PSD3: variants seen among roughly 807,000 people sequenced by gnomAD.
PSD3 encodes the protein pleckstrin and Sec7 domain containing 3.
A neutral mutation model predicts 105.5 loss-of-function variants in PSD3; 49 were observed. That is an observed-to-expected ratio of 0.46 (90% confidence interval 0.37 to 0.59). PSD3 has a LOEUF of 0.59. Ranked by LOEUF, PSD3 falls within the 20% of genes least tolerant of loss-of-function variation. PSD3 has a pLI of 0.00. For missense variants in PSD3, 1,561 were observed against 1,263.8 expected (o/e 1.24, Z -3.57); for synonymous variants, 557 against 457.8 (o/e 1.22, Z -2.77).
chr8:18,624,983 G>A (rs572697814), intron 11 of PSD3, among the ~76,000 whole-genome samples: 1 of 152,088 alleles, frequency 6.6e-6, no homozygotes, highest in African/African-American at 2.4e-5. Context: ...TGATCCTCCT[G>A]TCTTGGATTC....
intron 9 of PSD3, among the ~76,000 whole-genome samples, chr8:18,671,869 T>C (rs764422292): frequency 6.6e-6 from 1 of 152,082 alleles, no homozygotes; most frequent in Non-Finnish European, 1.5e-5. Flanking sequence ...CTGACCTTGT[T>C]ATCCGCCCGC....
chr8:18,679,895 G>T (rs1266888046), intron 9 of PSD3, among the ~76,000 whole-genome samples: 3 of 152,104 alleles, frequency 2.0e-5, no homozygotes, highest in Non-Finnish European at 4.4e-5. Context: ...ATTAACTAGA[G>T]AATTCTTGAT....
intron 10 of PSD3, among the ~76,000 whole-genome samples, chr8:18,646,255 A>T (rs1427795746): frequency 6.6e-6 from 1 of 152,166 alleles, no homozygotes; most frequent in Non-Finnish European, 1.5e-5. Flanking sequence ...CATCCCAAAT[A>T]ACTTTTTCGA....
intron 12 of PSD3, among the ~76,000 whole-genome samples, chr8:18,585,065 G>A (rs749437358): frequency 4.6e-5 from 7 of 152,122 alleles, no homozygotes; most frequent in Non-Finnish European, 7.3e-5. Flanking sequence ...ATGCCACATC[G>A]CTAGCTCCAG....
At chr8:18,670,597 T>G (rs1308677599) in intron 9 of PSD3, among the ~76,000 whole-genome samples, 1 of 152,026 alleles carries the variant, frequency 6.6e-6, no homozygotes, top group Non-Finnish European at 1.5e-5. Context: ...TTCACATACC[T>G]CAAGCACAAA....
At chr8:18,609,256 G>A (rs1805081279) in intron 11 of PSD3, among the ~76,000 whole-genome samples, 1 of 152,178 alleles carries the variant, frequency 6.6e-6, no homozygotes, top group South Asian at 2.1e-4. Flanking sequence ...GCCTCACCAA[G>A]AGTCTTGGCG....
chr8:19,074,372 G>C (rs4921987), intron 1 of PSD3, among the ~76,000 whole-genome samples: 63,649 of 151,606 alleles, frequency 0.42, 13,939 homozygotes, highest in East Asian at 0.72. Context: ...GGTCCGGGGG[G>C]TGCCACAACT....
intron 1 of PSD3, among the ~76,000 whole-genome samples, chr8:18,938,493 T>C (rs960540028): frequency 1.3e-5 from 2 of 152,030 alleles, no homozygotes; most frequent in Admixed American, 6.6e-5. Flanking sequence ...CGTGGAGCCA[T>C]GCACCTGTGA....
At chr8:18,783,089 G>A in intron 8 of PSD3, among the ~76,000 whole-genome samples, 1 of 152,156 alleles carries the variant, frequency 6.6e-6, no homozygotes, top group East Asian at 1.9e-4. Context: ...TTCTTTAAAT[G>A]TCGATGCAAT....
intron 4 of PSD3, among the ~76,000 whole-genome samples, chr8:18,836,905 A>AG (rs11396325): frequency 6.6e-6 from 1 of 151,466 alleles, no homozygotes; most frequent in African/African-American, 2.4e-5. Flanking sequence ...CACAGATACC[A>AG]GGGCTGACTG....
At chr8:18,855,781 G>A (rs1330632900) in intron 4 of PSD3, among the ~76,000 whole-genome samples, 1 of 152,224 alleles carries the variant, frequency 6.6e-6, no homozygotes, top group African/African-American at 2.4e-5. Flanking sequence ...ACTACGTAGG[G>A]AAGGAAAGAG....
intron 6 of PSD3, among the ~76,000 whole-genome samples, chr8:18,802,899 T>A (rs1174212455): frequency 6.6e-6 from 1 of 152,206 alleles, no homozygotes; most frequent in Non-Finnish European, 1.5e-5. Flanking sequence ...AAAAAGTGGA[T>A]ATTGTTGCAA....
intron 4 of PSD3, among the ~76,000 whole-genome samples, chr8:18,806,512 A>G (rs1386689): frequency 0.89 from 135,137 of 152,250 alleles, 60,134 homozygotes; most frequent in Non-Finnish European, 0.91. Flanking sequence ...ACATGCTCAT[A>G]ATAAAATGTG....
At chr8:18,795,038 T>C (rs148751900) in intron 8 of PSD3, among the ~76,000 whole-genome samples, 1,549 of 152,340 alleles carry the variant, frequency 0.01, 25 homozygotes, top group African/African-American at 0.034. Context: ...ATTAAGTTTA[T>C]AGATTAGAAA....
At position 18,572,544 on chromosome 8, in the gene PSD3, G is replaced by A; in HGVS notation, c.2768C>T (p.Thr923Ile). 2.5e-6 allele frequency: 4 copies of A among 1,613,886 alleles called. No individual in the cohort carries two copies. Among genetic ancestry groups the A allele is most frequent in the East Asian group, 2.2e-5 (1 of 44,886 alleles). The change falls in exon 14 of 16, where the codon ACA becomes ATA. Residue 923 changes from threonine to isoleucine, a missense_variant. Thr to Ile is a moderately conservative substitution (Grantham distance 89, BLOSUM62 -1). Transcript: ENST00000327040. ...KFSRPLLPATTTKLSQEEQLK... is the reference protein window; with the variant it reads ...KFSRPLLPATITKLSQEEQLK... ...GATGATTACCTGAGACAGTTTTGTT[G>A]TAGTGGCAGGCAGAAGTGGGCGGCT... is the stretch of plus-strand genomic sequence containing the variant.
intron 2 of PSD3, among the ~76,000 whole-genome samples, chr8:18,889,672 T>G (rs1818660575): frequency 6.6e-6 from 1 of 152,198 alleles, no homozygotes; most frequent in South Asian, 2.1e-4. Context: ...TGTTTCCCTG[T>G]GATCCCGTGC....
At chr8:18,793,394 T>C (rs10111304) in intron 8 of PSD3, among the ~76,000 whole-genome samples, 52,639 of 141,458 alleles carry the variant, frequency 0.37, 10,071 homozygotes, top group African/African-American at 0.45. Context: ...AAAACAAAAC[T>C]GGGTGACGAG....
chr8:18,748,660 C>CAAA lies in PSD3; in HGVS notation c.2172+16786_2172+16788dup, dbSNP rs760372508. Among the ~76,000 whole-genome samples, 61 of 54,596 alleles carry CAAA rather than the reference C, an allele frequency of 1.1e-3. 1 individual carries two copies. The highest frequency in any genetic ancestry group is 0.011 in the East Asian group (24 of 2,280). 35.8% of individuals were successfully genotyped at this position (54,596 alleles called of 152,430 possible). On this transcript the variant is annotated intron_variant, in intron 9 of 15. Coordinates refer to ENST00000327040, the MANE Select transcript of PSD3 (RefSeq NM_015310.4). ...GGGCGACAGAGCGAGACTCCGTCTC[C>CAAA]AAAAAAAAAAAAAAAAAAAAGATTT...
chr8:18,814,598 T>C (rs1812046241), intron 4 of PSD3, among the ~76,000 whole-genome samples: 1 of 152,226 alleles, frequency 6.6e-6, no homozygotes, highest in African/African-American at 2.4e-5. Flanking sequence ...CATATTACAA[T>C]CATTTCAAAT....
Sources: allele counts gnomAD v4.1 joint callset (sites outside exome capture counted in the v4.1 genomes callset), GRCh38; gene constraint gnomAD v4.1.1; transcripts MANE v1.5; gene names NCBI Gene and HGNC (gene_info 2026-07-23, HGNC 2026-07-21).